MSRA: variants seen among roughly 807,000 people sequenced by gnomAD.
MSRA encodes the protein mitochondrial peptide methionine sulfoxide reductase.
Under a neutral mutation model 31.3 loss-of-function variants are expected in MSRA, and 54 were observed. The observed-to-expected ratio is 1.73, with a 90% confidence interval of 1.39 to 2.17. The LOEUF (loss-of-function observed/expected upper bound fraction) is 2.17. Among genes scored for constraint, MSRA ranks in the 30% most tolerant of loss-of-function variants. The pLI is 0.00. For missense variants in MSRA, 507 were observed against 300.9 expected, an observed-to-expected ratio of 1.69 and a Z score of -5.07; for synonymous variants, 169 against 116.5, an observed-to-expected ratio of 1.45 and a Z score of -2.90.
intron 4 of MSRA, among the ~76,000 whole-genome samples, chr8:10,316,030 T>A (rs1362743601): frequency 6.6e-6 from 1 of 152,202 alleles, no homozygotes; most frequent in Non-Finnish European, 1.5e-5. Flanking sequence ...GATCTTTCAT[T>A]TTTCTTTTTG....
At chr8:10,119,135 C>A (rs998022680) in intron 1 of MSRA, among the ~76,000 whole-genome samples, 2 of 152,174 alleles carry the variant, frequency 1.3e-5, no homozygotes, top group East Asian at 3.8e-4. Flanking sequence ...TCTCATAGTT[C>A]ATAGCTTGTG....
chr8:10,080,532 T>G (rs999899797), intron 1 of MSRA, among the ~76,000 whole-genome samples: 6 of 151,980 alleles, frequency 3.9e-5, no homozygotes, highest in African/African-American at 1.4e-4. Context: ...TTTTTAATTT[T>G]GTTGTGTTTT....
intron 4 of MSRA, among the ~76,000 whole-genome samples, chr8:10,315,256 C>T (rs1801647136): frequency 6.6e-6 from 1 of 152,180 alleles, no homozygotes; most frequent in African/African-American, 2.4e-5. Context: ...ACAGTCAAAC[C>T]ATATCACAGG....
intron 3 of MSRA, among the ~76,000 whole-genome samples, chr8:10,277,627 A>G (rs1799393850): frequency 6.6e-6 from 1 of 152,174 alleles, no homozygotes; most frequent in South Asian, 2.1e-4. Context: ...GTCAAATCAG[A>G]TTATTTCTGG....
At chr8:10,158,018 A>C (rs1353977288) in intron 1 of MSRA, among the ~76,000 whole-genome samples, 1 of 152,220 alleles carries the variant, frequency 6.6e-6, no homozygotes, top group African/African-American at 2.4e-5. Context: ...GGAAAGTCCA[A>C]GATCAAGGAG....
At chr8:10,068,440 A>G (rs1009116561) in intron 1 of MSRA, among the ~76,000 whole-genome samples, 6 of 152,208 alleles carry the variant, frequency 3.9e-5, no homozygotes, top group Non-Finnish European at 7.3e-5. Context: ...TAGGATTTGT[A>G]TAGCTTTGCA....
chr8:10,305,442 C>G (rs1282585243), intron 4 of MSRA, among the ~76,000 whole-genome samples: 1 of 120,636 alleles, frequency 8.3e-6, no homozygotes, highest in Non-Finnish European at 1.6e-5. Flanking sequence ...CGGATGGAGT[C>G]TTGCTCTGTT....
intron 2 of MSRA, among the ~76,000 whole-genome samples, chr8:10,223,309 A>G (rs371446648): frequency 2.1e-4 from 32 of 152,370 alleles, no homozygotes; most frequent in African/African-American, 7.0e-4. Context: ...GAAGCACTTC[A>G]GATTGTACTT....
At chr8:10,322,759 C>T (rs1466420846) in intron 5 of MSRA, among the ~76,000 whole-genome samples, 1 of 152,058 alleles carries the variant, frequency 6.6e-6, no homozygotes, top group African/African-American at 2.4e-5. Flanking sequence ...AAATGAAACC[C>T]CAGTTGCTGA....
At chr8:10,142,143 A>C (rs538441181) in intron 1 of MSRA, among the ~76,000 whole-genome samples, 1 of 152,216 alleles carries the variant, frequency 6.6e-6, no homozygotes, top group East Asian at 1.9e-4. Flanking sequence ...TTTTTAGTAG[A>C]GACGGGGTTT....
intron 1 of MSRA, among the ~76,000 whole-genome samples, chr8:10,091,105 G>A (rs1798831860): frequency 1.3e-5 from 2 of 152,106 alleles, no homozygotes; most frequent in African/African-American, 2.4e-5. Context: ...ATGTTGGACT[G>A]GTCTTCTTTT....
At position 10,058,998 on chromosome 8, in the gene MSRA, A is replaced by G. The variant is rs114291404; in HGVS notation, c.142+4340A>G. On this transcript the variant is annotated intron_variant, in intron 1 of 5. Coordinates refer to ENST00000317173, the MANE Select transcript of MSRA (RefSeq NM_012331.5). Reference sequence around the variant, plus strand: ...ATGATAGATTATTATTTTACATTGTAGGTACAGCCAGTGTGATCAGACAAA... The same window carrying G: ...ATGATAGATTATTATTTTACATTGTGGGTACAGCCAGTGTGATCAGACAAA... The G allele has an allele frequency of 1.4e-3, 207 of 152,348 alleles. 1 individual carries two copies. The highest frequency in any genetic ancestry group is 4.7e-3 in the African/African-American group (195 of 41,594). 9.4% of individuals were successfully genotyped at this position (152,348 alleles called of 1,614,324 possible). A position where few individuals can be genotyped will look rare whatever the true frequency, so the allele number is the denominator to read the frequency against.
chr8:10,136,662 C>T (rs1447752016), intron 1 of MSRA, among the ~76,000 whole-genome samples: 1 of 152,204 alleles, frequency 6.6e-6, no homozygotes, highest in Non-Finnish European at 1.5e-5. Context: ...TGGTTAGATG[C>T]AGGCCTTCCA....
At chr8:10,425,839 T>C (rs1171884863) in intron 5 of MSRA, among the ~76,000 whole-genome samples, 1 of 152,200 alleles carries the variant, frequency 6.6e-6, no homozygotes, top group East Asian at 1.9e-4. Context: ...CGATTTTTTA[T>C]TTGCTATTTG....
At chr8:10,118,557 C>T (rs924861677) in intron 1 of MSRA, among the ~76,000 whole-genome samples, 3 of 152,140 alleles carry the variant, frequency 2.0e-5, no homozygotes, top group Non-Finnish European at 4.4e-5. Context: ...ACCCAACATT[C>T]TTCAGAACCT....
chr8:10,250,401 T>A (rs1797853990), intron 3 of MSRA: 1 of 702,226 alleles, frequency 1.4e-6, no homozygotes, highest in Non-Finnish European at 2.6e-6. Context: ...CTGGGTAATA[T>A]CTTTTCATAT....
chr8:10,414,481 G>T (rs1808340930), intron 5 of MSRA, among the ~76,000 whole-genome samples: 1 of 152,144 alleles, frequency 6.6e-6, no homozygotes, highest in African/African-American at 2.4e-5. Context: ...TGAAAGTTCT[G>T]CATCCTGAGA....
chr8:10,372,134 C>T (rs2129170524), intron 5 of MSRA, among the ~76,000 whole-genome samples: 1 of 152,322 alleles, frequency 6.6e-6, no homozygotes, highest in African/African-American at 2.4e-5. Flanking sequence ...TCTGGAAGGG[C>T]ATCGTTAGCT....
chr8:10,113,975 C>T (rs751190473), intron 1 of MSRA, among the ~76,000 whole-genome samples: 20 of 152,116 alleles, frequency 1.3e-4, no homozygotes, highest in Non-Finnish European at 2.8e-4. Context: ...TTCTCCTCTT[C>T]CCCCTGTCCT....
Sources: allele counts gnomAD v4.1 joint callset (sites outside exome capture counted in the v4.1 genomes callset), GRCh38; gene constraint gnomAD v4.1.1; transcripts MANE v1.5; gene names NCBI Gene and HGNC (gene_info 2026-07-23, HGNC 2026-07-21).